CDH18: variants seen among roughly 807,000 people sequenced by gnomAD.
The protein encoded by CDH18 is cadherin 18, also known as cadherin-18.
Under a neutral mutation model 67.9 loss-of-function variants are expected in CDH18, and 31 were observed. That is an observed-to-expected ratio of 0.46 (90% CI 0.34 to 0.62). CDH18 has a LOEUF of 0.62. Among genes scored for constraint, CDH18 ranks in the 20% least tolerant of loss-of-function variants. CDH18 has a pLI of 0.01. For synonymous variants in CDH18, 362 were observed against 347.2 expected (o/e 1.04, Z -0.48); for missense variants, 890 against 975.5 (o/e 0.91, Z 1.17).
intron 3 of CDH18, among the ~76,000 whole-genome samples, chr5:19,827,202 AC>A (rs942295543): frequency 1.3e-5 from 2 of 152,074 alleles, no homozygotes; most frequent in African/African-American, 4.8e-5. Context: ...ATATAAATAC[AC>A]CAAACAGGAT....
At chr5:20,474,027 AGATT>A (rs1707335433) in intron 1 of CDH18, among the ~76,000 whole-genome samples, 1 of 152,166 alleles carries the variant, frequency 6.6e-6, no homozygotes, top group African/African-American at 2.4e-5. Context: ...TCTAAAAACA[AGATT>A]GAAATAATTA....
intron 2 of CDH18, among the ~76,000 whole-genome samples, chr5:20,015,738 G>T (rs971204983): frequency 6.6e-6 from 1 of 152,116 alleles, no homozygotes. Flanking sequence ...TTCCCAGTAT[G>T]CATGGCAGAT....
At chr5:19,554,895 G>C (rs942893280) in intron 8 of CDH18, among the ~76,000 whole-genome samples, 3 of 151,936 alleles carry the variant, frequency 2.0e-5, no homozygotes, top group African/African-American at 7.3e-5. Flanking sequence ...TGAATCTAAG[G>C]GGGAAAAAAA....
intron 2 of CDH18, among the ~76,000 whole-genome samples, chr5:19,906,001 G>A (rs1305413599): frequency 6.6e-6 from 1 of 151,950 alleles, no homozygotes; most frequent in Non-Finnish European, 1.5e-5. Context: ...TTCTCCTCTA[G>A]TCATTAACAT....
At chr5:19,753,760 T>C (rs1370633667) in intron 3 of CDH18, among the ~76,000 whole-genome samples, 1 of 152,192 alleles carries the variant, frequency 6.6e-6, no homozygotes, top group African/African-American at 2.4e-5. Context: ...GGAAAACCTA[T>C]CAGATTGACA....
chr5:20,021,424 C>G (rs1738410945), intron 2 of CDH18, among the ~76,000 whole-genome samples: 1 of 152,034 alleles, frequency 6.6e-6, no homozygotes, highest in South Asian at 2.1e-4. Flanking sequence ...ATTTGTGTCT[C>G]CATCCTAATC....
At chr5:20,158,429 C>G (rs567761383) in intron 2 of CDH18, among the ~76,000 whole-genome samples, 1 of 152,180 alleles carries the variant, frequency 6.6e-6, no homozygotes, top group South Asian at 2.1e-4. Context: ...TGTAAATTCA[C>G]TTATATACAT....
chr5:20,469,421 C>T (rs1227782917), intron 1 of CDH18, among the ~76,000 whole-genome samples: 1 of 152,062 alleles, frequency 6.6e-6, no homozygotes, highest in East Asian at 1.9e-4. Context: ...TTCGCTTCTG[C>T]CTTTCCTCAT....
At chr5:19,997,603 G>A (rs992753662) in intron 2 of CDH18, among the ~76,000 whole-genome samples, 16 of 152,004 alleles carry the variant, frequency 1.1e-4, no homozygotes, top group Admixed American at 7.2e-4. Context: ...TCCTTATGCC[G>A]AGGTAAACTC....
intron 1 of CDH18, among the ~76,000 whole-genome samples, chr5:20,547,883 A>G (rs1289027524): frequency 6.6e-6 from 1 of 152,092 alleles, no homozygotes; most frequent in Admixed American, 6.5e-5. Context: ...TAGTACCTAT[A>G]TTCAATTTCA....
chr5:19,541,527 A>C (rs1008265812), intron 9 of CDH18, among the ~76,000 whole-genome samples: 1 of 152,214 alleles, frequency 6.6e-6, no homozygotes, highest in Non-Finnish European at 1.5e-5. Context: ...AGACTGGGTA[A>C]TTTATAAAGG....
intron 2 of CDH18, among the ~76,000 whole-genome samples, chr5:19,935,795 A>ACTCTCTCT (rs70954623): frequency 0.012 from 1,403 of 117,284 alleles, 26 homozygotes; most frequent in African/African-American, 0.041. Flanking sequence ...ACAGTCAGGA[A>ACTCTCTCT]CTCTCTCTCT....
At chr5:19,629,062 G>A (rs552547294) in intron 5 of CDH18, among the ~76,000 whole-genome samples, 128 of 152,296 alleles carry the variant, frequency 8.4e-4, no homozygotes, top group African/African-American at 3.0e-3. Context: ...TGGAGTCAGA[G>A]ACATCATAAT....
chr5:20,536,616 G>T (rs763566587), intron 1 of CDH18, among the ~76,000 whole-genome samples: 1 of 152,080 alleles, frequency 6.6e-6, no homozygotes, highest in Admixed American at 6.6e-5. Context: ...GCAGGAGCTT[G>T]CTAAAAGTCA....
chr5:19,607,149 C>T (rs1376749616), intron 6 of CDH18, among the ~76,000 whole-genome samples: 2 of 151,634 alleles, frequency 1.3e-5, no homozygotes, highest in Admixed American at 1.3e-4. Flanking sequence ...AGTTTTCTGT[C>T]ACTAAAAATG....
At position 20,246,333 on chromosome 5, in the gene CDH18, C is replaced by T. The variant is rs80050504; in HGVS notation, c.-518+9111G>A. ...ATGATGGCTTACTGTAATTAGTAAA[C>T]CAGTTACAAACACAGCTGTGTTTTC... On this transcript the variant is annotated intron_variant, in intron 2 of 14. Coordinates refer to the CDH18 transcript ENST00000507958. Among the ~76,000 whole-genome samples, 666 of 152,232 alleles carry T rather than the reference C, an allele frequency of 4.4e-3. 7 individuals are homozygous for T. Among genetic ancestry groups the T allele is most frequent in the African/African-American group, 0.015 (638 of 41,540 alleles).
chr5:19,662,950 T>C (rs1040296914), intron 5 of CDH18, among the ~76,000 whole-genome samples: 1 of 152,018 alleles, frequency 6.6e-6, no homozygotes, highest in African/African-American at 2.4e-5. Flanking sequence ...ATAAATTGGT[T>C]AGAAAAGTTT....
chr5:20,290,905 G>A (rs2126733102), intron 1 of CDH18, among the ~76,000 whole-genome samples: 1 of 152,256 alleles, frequency 6.6e-6, no homozygotes, highest in African/African-American at 2.4e-5. Context: ...TAGAAATAGG[G>A]TGGTGATGTG....
chr5:20,533,013 T>C (rs963856752), intron 1 of CDH18, among the ~76,000 whole-genome samples: 3 of 152,004 alleles, frequency 2.0e-5, no homozygotes, highest in South Asian at 4.1e-4. Flanking sequence ...TTTGGAGACA[T>C]CTTTCCAGCG....
Sources: gnomAD v4.1 joint callset for allele counts (sites outside exome capture counted in the v4.1 genomes callset) on GRCh38, gnomAD v4.1.1 for gene constraint, MANE v1.5 for transcripts, NCBI Gene and HGNC (gene_info 2026-07-23, HGNC 2026-07-21) for gene names.